The following SGCZ variants were observed in gnomAD, a reference collection of about 807,000 sequenced individuals.
The protein encoded by SGCZ is sarcoglycan zeta.
Under a neutral mutation model 41.3 loss-of-function variants are expected in SGCZ, and 40 were observed. The ratio of observed to expected loss-of-function variants is 0.97; its 90% CI spans 0.75 to 1.26. SGCZ has a LOEUF of 1.26. SGCZ is among the 50% of genes most tolerant of loss of function. The pLI, the probability that SGCZ is intolerant of heterozygous loss-of-function variation, is 0.00. For synonymous variants in SGCZ, 206 were observed against 137.5 expected (o/e 1.50, Z -3.49); for missense variants, 552 against 369.8 (o/e 1.49, Z -4.04).
At chr8:14,508,617 TAAC>T (rs777161046) in intron 2 of SGCZ, among the ~76,000 whole-genome samples, 1 of 152,170 alleles carries the variant, frequency 6.6e-6, no homozygotes, top group Admixed American at 6.5e-5. Context: ...GGTGGGTCAC[TAAC>T]TTTCCCCATC....
intron 1 of SGCZ, among the ~76,000 whole-genome samples, chr8:14,925,556 C>G (rs1799721486): frequency 6.6e-6 from 1 of 152,130 alleles, no homozygotes; most frequent in Non-Finnish European, 1.5e-5. Flanking sequence ...GGCAGAAATT[C>G]TGGAGACCTA....
chr8:14,244,974 C>G (rs1222886093), intron 3 of SGCZ, among the ~76,000 whole-genome samples: 2 of 152,058 alleles, frequency 1.3e-5, no homozygotes, highest in Non-Finnish European at 1.5e-5. Context: ...AGTTGCTTAT[C>G]AGCTTAAGGA....
rs1245966784 is a variant in SGCZ, at chr8:15,200,368, G to A, written c.39+37217C>T. Among the ~76,000 whole-genome samples, 3 of 152,238 alleles carry A rather than the reference G, an allele frequency of 2.0e-5. No individual in the cohort carries two copies. The South Asian group carries it at 6.2e-4, about 32-fold the overall frequency. On this transcript the variant is annotated intron_variant, in intron 1 of 7. Coordinates refer to ENST00000382080, the MANE Select transcript of SGCZ (RefSeq NM_139167.4). ...CCTCAGCCCTGGGGTTTTCCATCAT[G>A]TTCCAGGCCATCACTGGTACCTCCT...
At chr8:14,504,240 G>C (rs1459681375) in intron 2 of SGCZ, among the ~76,000 whole-genome samples, 1 of 152,182 alleles carries the variant, frequency 6.6e-6, no homozygotes, top group Admixed American at 6.5e-5. Context: ...GGTTGTGCCT[G>C]CATTCTGTTT....
At chr8:14,479,104 A>T (rs1801447284) in intron 2 of SGCZ, among the ~76,000 whole-genome samples, 1 of 152,206 alleles carries the variant, frequency 6.6e-6, no homozygotes, top group Non-Finnish European at 1.5e-5. Flanking sequence ...ACAGGATCAC[A>T]GGGTGAAGTC....
rs149971205 is a variant in SGCZ at position 15,103,143 on chromosome 8, G to A, written c.39+134442C>T. 4.9e-3 allele frequency among the ~76,000 whole-genome samples: 751 copies of A among 152,254 alleles called. 5 individuals are homozygous for A. The highest frequency in any genetic ancestry group is 0.017 in the African/African-American group (707 of 41,536). On this transcript the variant is annotated intron_variant, in intron 1 of 7. Transcript: ENST00000382080. ...CAGCTCAGTGCAGTGGCTCAAGGCT[G>A]TAATCCCAGCACTTTGGGAGGCCAA... is the stretch of plus-strand genomic sequence containing the variant.
At chr8:14,552,531 A>C (rs1403120576) in intron 2 of SGCZ, among the ~76,000 whole-genome samples, 1 of 150,454 alleles carries the variant, frequency 6.6e-6, no homozygotes, top group African/African-American at 2.5e-5. Context: ...AAACGTAAAA[A>C]AATAAATAAA....
chr8:14,613,894 A>G (rs564542332), intron 1 of SGCZ, among the ~76,000 whole-genome samples: 1 of 151,712 alleles, frequency 6.6e-6, no homozygotes, highest in African/African-American at 2.4e-5. Flanking sequence ...TAAAAAGTAC[A>G]AAAAAAAATC....
rs900269737 is a variant in SGCZ, at chr8:14,389,450, G to C, written c.235-65246C>G. 6.4e-5 allele frequency among the ~76,000 whole-genome samples: 9 copies of C among 141,680 alleles called. No individual in the cohort carries two copies. The South Asian group carries it at 1.8e-3, about 28-fold the overall frequency. The allele number at this position is 141,680 out of a possible 152,430, so 92.9% of individuals were successfully genotyped here. A position where few individuals can be genotyped will look rare whatever the true frequency, so the allele number is the denominator to read the frequency against. On this transcript the variant is annotated intron_variant, in intron 2 of 7. Transcript: ENST00000382080. ...GAAACTGCTAAACATGAAAGACAAA[G>C]AGAAAATCACAAACTAACCTGACAG...
At chr8:14,936,976 A>G (rs1311664033) in intron 1 of SGCZ, among the ~76,000 whole-genome samples, 1 of 151,836 alleles carries the variant, frequency 6.6e-6, no homozygotes, top group African/African-American at 2.4e-5. Flanking sequence ...CAATATTTCA[A>G]ATTAAAAAGT....
intron 1 of SGCZ, among the ~76,000 whole-genome samples, chr8:14,566,731 G>C (rs987609288): frequency 1.2e-4 from 18 of 152,248 alleles, no homozygotes; most frequent in African/African-American, 4.3e-4. Flanking sequence ...CGTACTTGAG[G>C]AGCCCTTCAG....
chr8:14,436,494 G>C (rs11997851), intron 2 of SGCZ, among the ~76,000 whole-genome samples: 1 of 152,094 alleles, frequency 6.6e-6, no homozygotes, highest in Non-Finnish European at 1.5e-5. Flanking sequence ...GGATTTGTGA[G>C]GTCAAAATTA....
chr8:14,674,386 A>G (rs1288753016), intron 1 of SGCZ, among the ~76,000 whole-genome samples: 1 of 152,164 alleles, frequency 6.6e-6, no homozygotes, highest in Admixed American at 6.5e-5. Context: ...GCTCATTTTT[A>G]AGATTAAATT....
At chr8:15,126,882 G>A (rs1807710750) in intron 1 of SGCZ, among the ~76,000 whole-genome samples, 1 of 152,140 alleles carries the variant, frequency 6.6e-6, no homozygotes, top group Admixed American at 6.5e-5. Context: ...GCATCTTGTG[G>A]GAAGGACATG....
intron 1 of SGCZ, among the ~76,000 whole-genome samples, chr8:14,618,431 C>A (rs546556553): frequency 2.4e-4 from 37 of 152,178 alleles, no homozygotes; most frequent in Admixed American, 1.2e-3. Context: ...GCCAGAAAGT[C>A]CAGTATAGAG....
chr8:14,764,044 T>C (rs1188657424), intron 1 of SGCZ, among the ~76,000 whole-genome samples: 1 of 152,212 alleles, frequency 6.6e-6, no homozygotes, highest in Non-Finnish European at 1.5e-5. Context: ...ATGCCATGTC[T>C]GGCAGGGAAA....
In SGCZ at chr8:14,091,250, G is replaced by A. The variant is rs1308397484; in HGVS notation, c.745-613C>T. 2.0e-5 allele frequency among the ~76,000 whole-genome samples: 3 copies of A among 151,524 alleles called. No homozygotes were observed. In the East Asian group the frequency reaches 5.8e-4, roughly 29 times the overall value. On this transcript the variant is annotated intron_variant, in intron 7 of 7. Coordinates refer to ENST00000382080, the MANE Select transcript of SGCZ (RefSeq NM_139167.4). ...CTAGTGTGTCATTGATGGACATTTG[G>A]GTTGGTCCCAAATCCCTGCTATTGT...
intron 2 of SGCZ, among the ~76,000 whole-genome samples, chr8:14,444,291 T>A (rs1800363037): frequency 6.6e-6 from 1 of 152,122 alleles, no homozygotes; most frequent in Admixed American, 6.6e-5. Flanking sequence ...ATACCATTTA[T>A]CCCAGCCTTT....
chr8:14,652,020 C>T (rs906602758), intron 1 of SGCZ, among the ~76,000 whole-genome samples: 2 of 151,760 alleles, frequency 1.3e-5, no homozygotes, highest in Non-Finnish European at 2.9e-5. Flanking sequence ...GGGAAGTCAC[C>T]GAAATTCTCT....
Sources: allele counts gnomAD v4.1 joint callset (sites outside exome capture counted in the v4.1 genomes callset), GRCh38; gene constraint gnomAD v4.1.1; transcripts MANE v1.5; gene names NCBI Gene and HGNC (gene_info 2026-07-23, HGNC 2026-07-21).